The following CNBP variants were observed in gnomAD, a reference collection of about 807,000 sequenced individuals.
CNBP encodes cellular nucleic acid-binding protein.
Under a neutral mutation model 21.2 loss-of-function variants are expected in CNBP, and 6 were observed. That is an observed-to-expected ratio of 0.28 (90% CI 0.16 to 0.56). The LOEUF (loss-of-function observed/expected upper bound fraction) is 0.56. CNBP is among the 20% of genes least tolerant of loss of function. The probability of loss-of-function intolerance (pLI) is 0.93; values close to 1 mark genes in which losing one functional copy is unlikely to be tolerated. For missense variants in CNBP, 112 were observed against 233.1 expected, an observed-to-expected ratio of 0.48 and a Z score of 3.38; for synonymous variants, 61 against 74.9, an observed-to-expected ratio of 0.81 and a Z score of 0.96.
At chr3:129,179,265 G>A (rs976270631) in intron 1 of CNBP, among the ~76,000 whole-genome samples, 19 of 151,366 alleles carry the variant, frequency 1.3e-4, no homozygotes, top group Admixed American at 4.6e-4. Context: ...CAACAAGAGC[G>A]AAACTCCACC....
At chr3:129,172,861 A>C (rs942537793) in intron 1 of CNBP, among the ~76,000 whole-genome samples, 1 of 152,240 alleles carries the variant, frequency 6.6e-6, no homozygotes, top group Non-Finnish European at 1.5e-5. Context: ...AAAAATTGGA[A>C]TAACCCAAAC....
chr3:129,181,649 C>CAAAAAA lies in CNBP; in HGVS notation c.-15+2126_-15+2127insTTTTTT, dbSNP rs1367375702. On this transcript the variant is annotated intron_variant, in intron 1 of 4. Coordinates refer to ENST00000422453, the MANE Select transcript of CNBP (RefSeq NM_003418.5). ...TGGGCGACAGAGTGAGACTCCGTCT[C>CAAAAAA]AGAAAAAAAAAAAGAAAAACCCCTG... Among the ~76,000 whole-genome samples, 372 of 72,210 alleles carry CAAAAAA rather than the reference C, an allele frequency of 5.2e-3. 66 individuals are homozygous for CAAAAAA. The highest frequency in any genetic ancestry group is 6.7e-3 in the Non-Finnish European group (299 of 44,304). 47.4% of individuals were successfully genotyped at this position (72,210 alleles called of 152,430 possible).
chr3:129,171,343 T>G (rs762408592), intron 3 of CNBP, 66 bp from the exon 4 acceptor site: 908 of 1,605,818 alleles, frequency 5.7e-4, no homozygotes, highest in Admixed American at 7.7e-4. Context: ...ACGTTTTAAA[T>G]TATACAATAC....
chr3:129,172,656 G>GCAGA (rs1169469064), intron 1 of CNBP, among the ~76,000 whole-genome samples: 1 of 112,596 alleles, frequency 8.9e-6, no homozygotes, highest in African/African-American at 3.3e-5. Context: ...AGGCAGGCAG[G>GCAGA]CAGACAGACA....
rs1452612316 is a variant in CNBP, at chr3:129,167,910, G to A, written c.*2543C>T. On this transcript the variant is annotated 3_prime_UTR_variant, in exon 5 of 5. Coordinates refer to ENST00000422453, the MANE Select transcript of CNBP (RefSeq NM_003418.5). ...AATAGCACATGAAAAAATATTATAA[G>A]CTTATATTCATAAAGAAATGGGTAT... Among the ~76,000 whole-genome samples the A allele has an allele frequency of 2.0e-5, 3 of 152,266 alleles. No individual in the cohort carries two copies. Among genetic ancestry groups the A allele is most frequent in the South Asian group, 4.1e-4 (2 of 4,832 alleles).
chr3:129,170,298 C>A lies in CNBP; in HGVS notation c.*155G>T. 1.5e-6 allele frequency: 1 copy of A among 650,722 alleles called. No individual in the cohort carries two copies. Among genetic ancestry groups the A allele is most frequent in the Non-Finnish European group, 2.7e-6 (1 of 363,994 alleles). The allele number at this position is 650,722 out of a possible 1,614,324, so 40.3% of individuals were successfully genotyped here. A position where few individuals can be genotyped will look rare whatever the true frequency, so the allele number is the denominator to read the frequency against. The stretch of plus-strand genomic sequence containing the variant: ...TTTTTTGTAGTTAAATGCAGAAAGT[C>A]GGTTTTTTTCCACCCCTTTCCTCCT... On this transcript the variant is annotated 3_prime_UTR_variant, in exon 5 of 5. Transcript: ENST00000422453.
rs976111018 is a variant in CNBP, at chr3:129,167,845, T to C, written c.*2608A>G. Among the ~76,000 whole-genome samples the C allele has an allele frequency of 1.3e-5, 2 of 152,236 alleles. No individual in the cohort carries two copies. Among genetic ancestry groups the C allele is most frequent in the African/African-American group, 4.8e-5 (2 of 41,468 alleles). On this transcript the variant is annotated 3_prime_UTR_variant, in exon 5 of 5. Coordinates refer to ENST00000422453, the MANE Select transcript of CNBP (RefSeq NM_003418.5). ...TAGAAAATAAAATTGTCAAGATATTTATTGTGTTAACATGTGAGACATACA... is the reference window on the plus strand; with the variant it reads ...TAGAAAATAAAATTGTCAAGATATTCATTGTGTTAACATGTGAGACATACA...
chr3:129,170,672 T>G, intron 4 of CNBP, 102 bp from the exon 5 acceptor site: 1 of 864,024 alleles, frequency 1.2e-6, no homozygotes, highest in South Asian at 1.4e-5. Flanking sequence ...TTTGTTTTCA[T>G]GCAATTAACC....
At chr3:129,179,287 AAAG>A (rs979608910) in intron 1 of CNBP, among the ~76,000 whole-genome samples, 7 of 152,026 alleles carry the variant, frequency 4.6e-5, no homozygotes, top group Non-Finnish European at 8.8e-5. Context: ...CAAAGGAAAA[AAAG>A]AAGAAAAAAA....
intron 1 of CNBP, among the ~76,000 whole-genome samples, chr3:129,175,674 C>T (rs1003660388): frequency 6.6e-6 from 1 of 152,104 alleles, no homozygotes; most frequent in Non-Finnish European, 1.5e-5. Context: ...GTGATCCACC[C>T]GCCTTGGCCT....
At chr3:129,172,773 A>C (rs1937641097) in intron 1 of CNBP, among the ~76,000 whole-genome samples, 3 of 151,962 alleles carry the variant, frequency 2.0e-5, no homozygotes, top group African/African-American at 4.8e-5. Context: ...GTCCAACTTA[A>C]TGGACACATT....
intron 1 of CNBP, among the ~76,000 whole-genome samples, chr3:129,179,000 G>A (rs1186271475): frequency 4.6e-5 from 7 of 152,098 alleles, no homozygotes; most frequent in Admixed American, 1.3e-4. Context: ...TATGGGGGCC[G>A]GGTGTGCTGG....
At chr3:129,179,878 C>G (rs984072092) in intron 1 of CNBP, among the ~76,000 whole-genome samples, 1 of 151,954 alleles carries the variant, frequency 6.6e-6, no homozygotes, top group Non-Finnish European at 1.5e-5. Flanking sequence ...TGGTGGCACA[C>G]GCCTATAGTC....
rs186990300 is a variant in CNBP, at chr3:129,167,856, C to T, written c.*2597G>A. Among the ~76,000 whole-genome samples, 1 of 152,286 alleles carries T rather than the reference C, an allele frequency of 6.6e-6. No individual in the cohort carries two copies. Among genetic ancestry groups the T allele is most frequent in the Admixed American group, 6.5e-5 (1 of 15,292 alleles). ...ATTGTCAAGATATTTATTGTGTTAA[C>T]ATGTGAGACATACAATTTGCTCAGT... On this transcript the variant is annotated 3_prime_UTR_variant, in exon 5 of 5. Transcript: ENST00000422453.
rs900306705 is a variant in CNBP at position 129,168,995 on chromosome 3, A to G, written c.*1458T>C. ...CGGGTACCTGTAGCCCCAGCTACTC[A>G]GGAGGCTGAGGCAGGAGAATGGCAC... On this transcript the variant is annotated 3_prime_UTR_variant, in exon 5 of 5. Transcript: ENST00000422453. Among the ~76,000 whole-genome samples, 2 of 151,720 alleles carry G rather than the reference A, an allele frequency of 1.3e-5. No individual in the cohort carries two copies. Among genetic ancestry groups the G allele is most frequent in the African/African-American group, 2.4e-5 (1 of 41,296 alleles).
intron 1 of CNBP, among the ~76,000 whole-genome samples, chr3:129,181,769 T>C (rs1006565811): frequency 7.2e-5 from 11 of 152,124 alleles, no homozygotes; most frequent in African/African-American, 2.7e-4. Context: ...AGAGGACCTT[T>C]GGTTCCTCAG....
intron 1 of CNBP, among the ~76,000 whole-genome samples, chr3:129,179,886 G>A (rs1428003436): frequency 6.6e-6 from 1 of 152,014 alleles, no homozygotes; most frequent in Non-Finnish European, 1.5e-5. Flanking sequence ...CACGCCTATA[G>A]TCCCAGCTAC....
At chr3:129,180,129 C>G (rs34172339) in intron 1 of CNBP, among the ~76,000 whole-genome samples, 3,581 of 151,366 alleles carry the variant, frequency 0.024, 65 homozygotes, top group Non-Finnish European at 0.039. Flanking sequence ...AATTCAATCT[C>G]TACTTCAAAA....
At chr3:129,173,554 A>G (rs866454905) in intron 1 of CNBP, among the ~76,000 whole-genome samples, 1 of 152,230 alleles carries the variant, frequency 6.6e-6, no homozygotes, top group Non-Finnish European at 1.5e-5. Context: ...ATTTCATAAT[A>G]AACTCCTTTA....
Sources: gnomAD v4.1 joint callset for allele counts (sites outside exome capture counted in the v4.1 genomes callset) on GRCh38, gnomAD v4.1.1 for gene constraint, MANE v1.5 for transcripts, NCBI Gene and HGNC (gene_info 2026-07-23, HGNC 2026-07-21) for gene names.